Variants in YWHAG observed in about 807,000 individuals in gnomAD.
YWHAG encodes the protein tyrosine 3-monooxygenase/tryptophan 5-monooxygenase activation protein gamma.
A neutral mutation model predicts 23.3 loss-of-function variants in YWHAG; 1 was observed. That is an observed-to-expected ratio of 0.04 (90% CI 0.02 to 0.20). The LOEUF is 0.20. Among genes scored for constraint, YWHAG ranks in the 10% least tolerant of loss-of-function variants. YWHAG has a pLI of 1.00. For missense variants in YWHAG, 151 were observed against 338.6 expected, an observed-to-expected ratio of 0.45 and a Z score of 4.35; for synonymous variants, 160 against 144.0, an observed-to-expected ratio of 1.11 and a Z score of -0.80.
intron 1 of YWHAG, among the ~76,000 whole-genome samples, chr7:76,348,746 G>C (rs1459420051): frequency 6.6e-6 from 1 of 151,470 alleles, no homozygotes. Context: ...CACCATGTTG[G>C]CCAGGCTGGT....
chr7:76,336,487 ACT>A (rs1400422408), intron 1 of YWHAG, among the ~76,000 whole-genome samples: 1 of 126,676 alleles, frequency 7.9e-6, no homozygotes, highest in Non-Finnish European at 1.6e-5. Flanking sequence ...ACAGAGTTTC[ACT>A]CTGTCACCCA....
intron 1 of YWHAG, among the ~76,000 whole-genome samples, chr7:76,352,799 G>A (rs763297109): frequency 6.6e-6 from 1 of 151,982 alleles, no homozygotes; most frequent in African/African-American, 2.4e-5. Context: ...ACAGGCATGC[G>A]CCACCATGCC....
At chr7:76,356,521 A>G (rs1254802377) in intron 1 of YWHAG, among the ~76,000 whole-genome samples, 3 of 152,218 alleles carry the variant, frequency 2.0e-5, no homozygotes, top group Admixed American at 2.0e-4. Flanking sequence ...GTAGGAAGTC[A>G]TCATTTTTTT....
At chr7:76,358,239 G>A (rs531224757) in intron 1 of YWHAG, among the ~76,000 whole-genome samples, 2 of 152,242 alleles carry the variant, frequency 1.3e-5, no homozygotes, top group Admixed American at 1.3e-4. Context: ...AAGATTCTGG[G>A]GGGGCTGGGG....
chr7:76,335,408 G>T (rs2115603415), intron 1 of YWHAG, among the ~76,000 whole-genome samples: 1 of 152,132 alleles, frequency 6.6e-6, no homozygotes, highest in East Asian at 1.9e-4. Context: ...TAGGTAAAAT[G>T]GTTAGAAAAA....
chr7:76,356,253 C>T (rs893563808), intron 1 of YWHAG, among the ~76,000 whole-genome samples: 1 of 152,212 alleles, frequency 6.6e-6, no homozygotes, highest in South Asian at 2.1e-4. Context: ...GGAACACCTA[C>T]TACATTTCTT....
At chr7:76,337,476 T>C (rs959309366) in intron 1 of YWHAG, among the ~76,000 whole-genome samples, 2 of 152,092 alleles carry the variant, frequency 1.3e-5, no homozygotes, top group African/African-American at 2.4e-5. Flanking sequence ...GAGAGGACTC[T>C]TGAAAGCTTG....
intron 1 of YWHAG, among the ~76,000 whole-genome samples, chr7:76,351,864 C>T (rs1326431202): frequency 1.3e-5 from 2 of 152,170 alleles, no homozygotes; most frequent in African/African-American, 2.4e-5. Context: ...GTGCTTGATT[C>T]ATCCCCAAAC....
intron 1 of YWHAG, among the ~76,000 whole-genome samples, chr7:76,339,108 T>C (rs1189695123): frequency 6.6e-6 from 1 of 152,252 alleles, no homozygotes; most frequent in Non-Finnish European, 1.5e-5. Flanking sequence ...AAACAGTTTA[T>C]GGATGTATAC....
chr7:76,334,226 T>C (rs556127708), intron 1 of YWHAG, among the ~76,000 whole-genome samples: 232 of 152,282 alleles, frequency 1.5e-3, no homozygotes, highest in African/African-American at 5.2e-3. Context: ...GAATCTGTTA[T>C]TTTTAAATTA....
intron 1 of YWHAG, among the ~76,000 whole-genome samples, chr7:76,337,036 A>G (rs2115608363): frequency 6.6e-6 from 1 of 152,360 alleles, no homozygotes; most frequent in Middle Eastern, 3.4e-3. Flanking sequence ...CGTTCGAAAG[A>G]CAACCTATGT....
chr7:76,349,422 CACACACACACACACACACACAG>C (rs948932491), intron 1 of YWHAG, among the ~76,000 whole-genome samples: 8 of 111,792 alleles, frequency 7.2e-5, no homozygotes, highest in African/African-American at 1.7e-4. Context: ...TATTAATACA[CACACACACACACACACACACAG>C]ACACACACAC....
At chr7:76,346,108 C>T (rs1166551124) in intron 1 of YWHAG, among the ~76,000 whole-genome samples, 1 of 152,216 alleles carries the variant, frequency 6.6e-6, no homozygotes, top group Admixed American at 6.5e-5. Flanking sequence ...CAGCCCTACA[C>T]AGTCGTCACT....
At chr7:76,351,099 A>T (rs1172542814) in intron 1 of YWHAG, among the ~76,000 whole-genome samples, 2 of 152,194 alleles carry the variant, frequency 1.3e-5, no homozygotes, top group Admixed American at 6.5e-5. Context: ...CACGATGGAA[A>T]TATCCCTGCA....
chr7:76,348,157 T>C (rs1473594358), intron 1 of YWHAG, among the ~76,000 whole-genome samples: 1 of 152,166 alleles, frequency 6.6e-6, no homozygotes, highest in African/African-American at 2.4e-5. Context: ...ATGGAACATA[T>C]GCTAAAATTA....
chr7:76,352,911 A>G (rs1803896905), intron 1 of YWHAG, among the ~76,000 whole-genome samples: 1 of 152,174 alleles, frequency 6.6e-6, no homozygotes, highest in Admixed American at 6.5e-5. Context: ...TCGACCTCCC[A>G]AAGTGCTGGG....
At chr7:76,347,541 G>A (rs1359452805) in intron 1 of YWHAG, among the ~76,000 whole-genome samples, 2 of 152,084 alleles carry the variant, frequency 1.3e-5, no homozygotes, top group African/African-American at 2.4e-5. Flanking sequence ...AGCTGAGATC[G>A]TGCCATTGAA....
In YWHAG at chr7:76,348,265, G is replaced by GTTTT. The variant is rs201085040; in HGVS notation, c.87+10453_87+10456dup. 4.6e-3 allele frequency among the ~76,000 whole-genome samples: 584 copies of GTTTT among 127,346 alleles called. 6 individuals carry two copies. The highest frequency in any genetic ancestry group is 0.016 in the African/African-American group (518 of 33,140). 83.5% of individuals were successfully genotyped at this position (127,346 alleles called of 152,430 possible). ...ACTTAAAACAAGAGCCTTAGACTTCGTTTTTTTTTTTTTTTTTTGGAGATA... is the reference window on the plus strand; with the variant it reads ...ACTTAAAACAAGAGCCTTAGACTTCGTTTTTTTTTTTTTTTTTTTTTTGGAGATA... On this transcript the variant is annotated intron_variant, in intron 1 of 1. Transcript: ENST00000307630.
chr7:76,356,918 C>A (rs1803970213), intron 1 of YWHAG, among the ~76,000 whole-genome samples: 1 of 152,152 alleles, frequency 6.6e-6, no homozygotes, highest in African/African-American at 2.4e-5. Context: ...GGATAAATGC[C>A]ATTTGCACAC....
Sources: allele counts gnomAD v4.1 joint callset (sites outside exome capture counted in the v4.1 genomes callset), GRCh38; gene constraint gnomAD v4.1.1; transcripts MANE v1.5; gene names NCBI Gene and HGNC (gene_info 2026-07-23, HGNC 2026-07-21).